Variants in TBC1D30 observed in about 807,000 individuals in gnomAD.
TBC1D30 encodes TBC1 domain family member 30, also known as TBC1 domain family, member 30.
TBC1D30 carries 31 observed loss-of-function variants against 63.2 expected under a neutral mutation model. That is an observed-to-expected ratio of 0.49 (90% CI 0.37 to 0.66). The LOEUF (loss-of-function observed/expected upper bound fraction) is 0.66. Ranked by LOEUF, TBC1D30 falls within the 30% of genes least tolerant of loss-of-function variation. The pLI is 0.00. For missense variants in TBC1D30, 810 were observed against 953.6 expected, an observed-to-expected ratio of 0.85 and a Z score of 1.98; for synonymous variants, 307 against 361.5, an observed-to-expected ratio of 0.85 and a Z score of 1.71.
chr12:64,874,611 G>A (rs557393536), intron 11 of TBC1D30, among the ~76,000 whole-genome samples: 1 of 152,056 alleles, frequency 6.6e-6, no homozygotes, highest in Admixed American at 6.5e-5. Context: ...AATCCATATG[G>A]TCATAGTGTT....
intron 1 of TBC1D30, among the ~76,000 whole-genome samples, chr12:64,775,438 T>G (rs1394008218): frequency 6.6e-6 from 1 of 151,884 alleles, no homozygotes; most frequent in Non-Finnish European, 1.5e-5. Flanking sequence ...GGAGGAAAAT[T>G]TACAAAGCAA....
At chr12:64,833,951 G>A (rs1250665352) in intron 5 of TBC1D30, among the ~76,000 whole-genome samples, 2 of 152,010 alleles carry the variant, frequency 1.3e-5, no homozygotes, top group Non-Finnish European at 2.9e-5. Context: ...CAAGTTAGGG[G>A]GTCGGATGGA....
chr12:64,825,167 C>T (rs1874203580), intron 1 of TBC1D30, 134 bp downstream of exon 1: 3 of 1,290,756 alleles, frequency 2.3e-6, no homozygotes, highest in Non-Finnish European at 2.1e-6. Flanking sequence ...CGGGGCACCG[C>T]GTTGGCACCT....
At chr12:64,836,399 T>C in intron 5 of TBC1D30, 91 bp from the exon 6 acceptor site, 1 of 1,056,906 alleles carries the variant, frequency 9.5e-7, no homozygotes, top group South Asian at 1.7e-5. Context: ...CTAACAGCGT[T>C]TTATCTATTT....
chr12:64,854,429 C>T (rs1192104184), intron 8 of TBC1D30, among the ~76,000 whole-genome samples: 3 of 151,742 alleles, frequency 2.0e-5, no homozygotes, highest in Non-Finnish European at 2.9e-5. Context: ...TCTTTATGTA[C>T]TGTCTATGTC....
intron 2 of TBC1D30, among the ~76,000 whole-genome samples, chr12:64,792,202 G>T (rs1038270730): frequency 6.6e-6 from 1 of 152,136 alleles, no homozygotes; most frequent in Non-Finnish European, 1.5e-5. Context: ...TATACATGTG[G>T]ATATTCACCT....
intron 1 of TBC1D30, chr12:64,781,303 G>A: frequency 1.8e-6 from 2 of 1,106,142 alleles, no homozygotes; most frequent in Non-Finnish European, 1.1e-6. Context: ...GCCGGGCGCA[G>A]CAGGGTCCCG....
chr12:64,799,003 C>T (rs935387587), intron 2 of TBC1D30, among the ~76,000 whole-genome samples: 2 of 151,782 alleles, frequency 1.3e-5, no homozygotes, highest in African/African-American at 2.4e-5. Context: ...TTAGTAGAGA[C>T]GGGGTTTCAC....
intron 8 of TBC1D30, among the ~76,000 whole-genome samples, chr12:64,862,073 G>A (rs1877841500): frequency 6.6e-6 from 1 of 152,212 alleles, no homozygotes; most frequent in Non-Finnish European, 1.5e-5. Flanking sequence ...TCCTACTTGG[G>A]AGGGAGGTGG....
At chr12:64,860,831 C>G (rs1384700767) in intron 8 of TBC1D30, among the ~76,000 whole-genome samples, 2 of 152,172 alleles carry the variant, frequency 1.3e-5, no homozygotes, top group Non-Finnish European at 2.9e-5. Context: ...CCCAAGACTG[C>G]CTCCAGGTCC....
At chr12:64,791,629 G>A (rs961885692) in intron 2 of TBC1D30, among the ~76,000 whole-genome samples, 12 of 151,784 alleles carry the variant, frequency 7.9e-5, no homozygotes, top group East Asian at 5.8e-4. Flanking sequence ...ATTCTCCCAC[G>A]GCCTCCCGAG....
At chr12:64,816,042 T>C (rs996230829) in intron 2 of TBC1D30, among the ~76,000 whole-genome samples, 1 of 152,088 alleles carries the variant, frequency 6.6e-6, no homozygotes, top group African/African-American at 2.4e-5. Context: ...ATACTTTTTT[T>C]TTTTTTTTGA....
chr12:64,815,488 C>T (rs1873468044), intron 2 of TBC1D30, among the ~76,000 whole-genome samples: 1 of 152,168 alleles, frequency 6.6e-6, no homozygotes, highest in African/African-American at 2.4e-5. Context: ...TCCTGCGTCT[C>T]TACTTTCATT....
At chr12:64,826,785 T>G (rs1414866203) in intron 1 of TBC1D30, among the ~76,000 whole-genome samples, 2 of 152,138 alleles carry the variant, frequency 1.3e-5, no homozygotes, top group African/African-American at 4.8e-5. Context: ...CACAGCTTAC[T>G]TTGGAAACCT....
rs1408492310 is a variant in TBC1D30, at chr12:64,838,867, CT to C, written c.932+18del. ...AATTAGGAGAGTAAGTGATTTCCAC[CT>C]TCTGCTCTGTTCTGTGATGTTGAGG... is the stretch of plus-strand genomic sequence containing the variant. On this transcript the variant is annotated intron_variant, in intron 7 of 11. Transcript: ENST00000539867. 6.5e-7 allele frequency: 1 copy of C among 1,535,436 alleles called. No homozygotes were observed. The highest frequency in any genetic ancestry group is 1.4e-5 in the African/African-American group (1 of 73,036).
chr12:64,869,628 T>G (rs1284010893), intron 10 of TBC1D30, among the ~76,000 whole-genome samples: 1 of 152,186 alleles, frequency 6.6e-6, no homozygotes, highest in Non-Finnish European at 1.5e-5. Context: ...TTCATTTTTT[T>G]TTCTCTGTTT....
At chr12:64,794,037 T>C (rs188439523) in intron 2 of TBC1D30, among the ~76,000 whole-genome samples, 1 of 152,380 alleles carries the variant, frequency 6.6e-6, no homozygotes, top group East Asian at 1.9e-4. Context: ...TCAAATGTCT[T>C]GATTCTAAAT....
chr12:64,786,367 C>T (rs1464531352), intron 2 of TBC1D30, among the ~76,000 whole-genome samples: 3 of 151,770 alleles, frequency 2.0e-5, no homozygotes, highest in African/African-American at 4.8e-5. Context: ...AGTCTCACTC[C>T]GTCACCCAGG....
In TBC1D30 at chr12:64,876,743, C is replaced by T; in HGVS notation, c.*955C>T. 1 of 455,292 alleles carries T rather than the reference C, an allele frequency of 2.2e-6. No homozygotes were observed. Among genetic ancestry groups the T allele is most frequent in the South Asian group, 1.6e-5 (1 of 64,470 alleles). The allele number at this position is 455,292 out of a possible 1,614,324, so 28.2% of individuals were successfully genotyped here. On this transcript the variant is annotated 3_prime_UTR_variant, in exon 12 of 12. Coordinates refer to ENST00000539867, the MANE Select transcript of TBC1D30 (RefSeq NM_015279.2). ...GAATTTTGTGCTTTTTGATTGGAGT[C>T]CTTTGTTGAGTACTTTGTTAATTGA...
Sources: gnomAD v4.1 joint callset for allele counts (sites outside exome capture counted in the v4.1 genomes callset) on GRCh38, gnomAD v4.1.1 for gene constraint, MANE v1.5 for transcripts, NCBI Gene and HGNC (gene_info 2026-07-23, HGNC 2026-07-21) for gene names.